Variants in NAALADL2 observed in about 807,000 individuals in gnomAD.
NAALADL2 encodes the protein inactive N-acetylated-alpha-linked acidic dipeptidase-like protein 2.
In NAALADL2, 76 loss-of-function variants were observed where a neutral mutation model predicts 87.2. The ratio of observed to expected loss-of-function variants is 0.87; its 90% CI spans 0.72 to 1.05. The LOEUF (loss-of-function observed/expected upper bound fraction) is 1.05. Ranked by LOEUF, NAALADL2 falls within the 50% of genes least tolerant of loss-of-function variation. NAALADL2 has a pLI of 0.00. For synonymous variants in NAALADL2, 354 were observed against 331.0 expected, an observed-to-expected ratio of 1.07 and a Z score of -0.75; for missense variants, 1,089 against 945.8, an observed-to-expected ratio of 1.15 and a Z score of -1.99.
chr3:175,478,072 T>C (rs545029466), intron 9 of NAALADL2, among the ~76,000 whole-genome samples: 3 of 152,110 alleles, frequency 2.0e-5, no homozygotes, highest in Non-Finnish European at 4.4e-5. Flanking sequence ...GGAAACATTC[T>C]GTTAACTTGT....
In NAALADL2 at chr3:175,041,363, C is replaced by A. The variant is rs145134123; in HGVS notation, c.44-55427C>A. On this transcript the variant is annotated intron_variant, in intron 1 of 13. Coordinates refer to ENST00000454872, the MANE Select transcript of NAALADL2 (RefSeq NM_207015.3). ...TGCTGTTTCTAAGAATATCTATTTGCAGAATGACTTGAAGTTTTGCTCACA... is the reference window on the plus strand; with the variant it reads ...TGCTGTTTCTAAGAATATCTATTTGAAGAATGACTTGAAGTTTTGCTCACA... 2.6e-3 allele frequency among the ~76,000 whole-genome samples: 397 copies of A among 152,218 alleles called. 1 individual carries two copies. Among genetic ancestry groups the A allele is most frequent in the African/African-American group, 8.8e-3 (366 of 41,538 alleles).
chr3:175,799,822 A>C lies in NAALADL2; in HGVS notation c.2190-3183A>C, dbSNP rs144606061. Reference sequence around the variant, plus strand: ...ACATATGTATTTATGTACATACATAAATAATCTCTTACTTGATTACATTCG... The same window carrying C: ...ACATATGTATTTATGTACATACATACATAATCTCTTACTTGATTACATTCG... On this transcript the variant is annotated intron_variant, in intron 13 of 13. Transcript: ENST00000454872. 7.1e-3 allele frequency among the ~76,000 whole-genome samples: 1,077 copies of C among 152,274 alleles called. 13 individuals are homozygous for C. The highest frequency in any genetic ancestry group is 0.025 in the African/African-American group (1,022 of 41,560).
At chr3:175,243,957 A>G (rs1002806885) in intron 3 of NAALADL2, among the ~76,000 whole-genome samples, 1 of 152,080 alleles carries the variant, frequency 6.6e-6, no homozygotes, top group Non-Finnish European at 1.5e-5. Context: ...ATATTTTGCA[A>G]AATAGCTATT....
intron 2 of NAALADL2, among the ~76,000 whole-genome samples, chr3:175,154,430 G>A (rs569210534): frequency 3.3e-5 from 5 of 152,226 alleles, no homozygotes; most frequent in Admixed American, 6.5e-5. Context: ...TCACCTACTT[G>A]ATAGGTAACC....
At chr3:175,096,324 T>C (rs896097333) in intron 1 of NAALADL2, among the ~76,000 whole-genome samples, 3 of 152,110 alleles carry the variant, frequency 2.0e-5, no homozygotes, top group Non-Finnish European at 4.4e-5. Context: ...GTTTTTATTA[T>C]TTTTTCCCTT....
intron 11 of NAALADL2, among the ~76,000 whole-genome samples, chr3:175,712,156 TAAA>T (rs1740619862): frequency 6.6e-6 from 1 of 151,906 alleles, no homozygotes; most frequent in South Asian, 2.1e-4. Context: ...AGTTAAGAAA[TAAA>T]AACAATATTT....
At chr3:174,555,363 G>T (rs9866538) in intron 2 of NAALADL2, among the ~76,000 whole-genome samples, 28,202 of 152,036 alleles carry the variant, frequency 0.19, 3,165 homozygotes, top group East Asian at 0.33. Context: ...GCAATGGCGC[G>T]ATCTTGGCCC....
At chr3:174,508,189 C>T (rs981361308) in intron 1 of NAALADL2, among the ~76,000 whole-genome samples, 4 of 142,750 alleles carry the variant, frequency 2.8e-5, no homozygotes, top group Admixed American at 7.3e-5. Flanking sequence ...TTTCGGCTCA[C>T]TGCAAGCTCC....
At chr3:174,790,633 A>G (rs1717345059) in intron 3 of NAALADL2, among the ~76,000 whole-genome samples, 1 of 115,748 alleles carries the variant, frequency 8.6e-6, no homozygotes, top group African/African-American at 3.3e-5. Flanking sequence ...AGGTGACAAA[A>G]GCAAAACTCC....
intron 4 of NAALADL2, among the ~76,000 whole-genome samples, chr3:175,309,197 T>C (rs922849865): frequency 1.3e-5 from 2 of 152,194 alleles, no homozygotes; most frequent in African/African-American, 4.8e-5. Context: ...TTTTTTTTCT[T>C]TTTTTGAGAC....
At chr3:175,181,805 A>ATGTGTGTG (rs1736601845) in intron 2 of NAALADL2, among the ~76,000 whole-genome samples, 1 of 148,232 alleles carries the variant, frequency 6.7e-6, no homozygotes, top group African/African-American at 2.5e-5. Flanking sequence ...GTGTATATAT[A>ATGTGTGTG]TGTATATATA....
Position 175,395,768 on chromosome 3 carries a change from G to A in NAALADL2, c.1091-51461G>A, listed in dbSNP as rs150247358. ...TAGCTATCCATCTCTGAAAAAGGCC[G>A]CTGTTTTCAAATATAACTTGCTACA... is the stretch of plus-strand genomic sequence containing the variant. On this transcript the variant is annotated intron_variant, in intron 5 of 13. Transcript: ENST00000454872. Among the ~76,000 whole-genome samples the A allele has an allele frequency of 2.6e-4, 39 of 152,188 alleles. 1 individual carries two copies. The East Asian group carries it at 4.2e-3, about 17-fold the overall frequency.
intron 1 of NAALADL2, among the ~76,000 whole-genome samples, chr3:174,995,441 A>G (rs887542952): frequency 6.6e-6 from 1 of 152,106 alleles, no homozygotes; most frequent in African/African-American, 2.4e-5. Flanking sequence ...AAACAGGAAA[A>G]CTTCTGCCAG....
At position 175,799,095 on chromosome 3, in the gene NAALADL2, G is replaced by T. The variant is rs567814711; in HGVS notation, c.2190-3910G>T. The stretch of plus-strand genomic sequence containing the variant: ...TGTTTGTCAGCATACTAAACAATTT[G>T]TCCTCAAGGTATGGAGATAAAATGT... On this transcript the variant is annotated intron_variant, in intron 13 of 13. Transcript: ENST00000454872. Among the ~76,000 whole-genome samples, 90 of 152,058 alleles carry T rather than the reference G, an allele frequency of 5.9e-4. 2 individuals are homozygous for T. The South Asian group carries it at 0.018, about 30-fold the overall frequency.
chr3:175,799,583 G>A (rs574242762), intron 13 of NAALADL2, among the ~76,000 whole-genome samples: 77 of 152,190 alleles, frequency 5.1e-4, no homozygotes, highest in Non-Finnish European at 2.1e-4. Flanking sequence ...GTTCTGTCAC[G>A]TACAAAAATA....
At chr3:174,544,592 G>C (rs1722561037) in intron 1 of NAALADL2, among the ~76,000 whole-genome samples, 1 of 122,300 alleles carries the variant, frequency 8.2e-6, no homozygotes, top group East Asian at 2.4e-4. Flanking sequence ...TTTTGAGACA[G>C]AGTCTCACTC....
At chr3:175,344,351 A>G (rs1306939787) in intron 5 of NAALADL2, among the ~76,000 whole-genome samples, 1 of 151,636 alleles carries the variant, frequency 6.6e-6, no homozygotes, top group African/African-American at 2.4e-5. Context: ...ACTTTTACAC[A>G]ATATGGTAGA....
chr3:175,518,372 G>A (rs1209641012), intron 9 of NAALADL2, among the ~76,000 whole-genome samples: 1 of 152,158 alleles, frequency 6.6e-6, no homozygotes, highest in African/African-American at 2.4e-5. Context: ...CAGATCCTAA[G>A]CAGGAAGAGC....
At chr3:175,173,968 T>A (rs1735278249) in intron 2 of NAALADL2, among the ~76,000 whole-genome samples, 1 of 4,794 alleles carries the variant, frequency 2.1e-4, no homozygotes, top group Non-Finnish European at 8.8e-4. Flanking sequence ...CAGTTTGAAT[T>A]TTTTTTTTAA....
Sources: allele counts gnomAD v4.1 joint callset (sites outside exome capture counted in the v4.1 genomes callset), GRCh38; gene constraint gnomAD v4.1.1; transcripts MANE v1.5; gene names NCBI Gene and HGNC (gene_info 2026-07-23, HGNC 2026-07-21).